Variants in KSR1 observed in about 807,000 individuals in gnomAD.
KSR1 encodes the protein kinase suppressor of ras.
A neutral mutation model predicts 92.9 loss-of-function variants in KSR1; 35 were observed. The observed-to-expected ratio is 0.38, with a 90% CI of 0.29 to 0.50. The LOEUF is 0.50. Among genes scored for constraint, KSR1 ranks in the 20% least tolerant of loss-of-function variants. The pLI is 0.94. For synonymous variants in KSR1, 467 were observed against 472.6 expected (o/e 0.99, Z 0.15); for missense variants, 972 against 1,158.5 (o/e 0.84, Z 2.34).
intron 1 of KSR1, among the ~76,000 whole-genome samples, chr17:27,492,674 C>T (rs2150964447): frequency 6.6e-6 from 1 of 152,290 alleles, no homozygotes; most frequent in Non-Finnish European, 1.5e-5. Context: ...TTAGATAAAG[C>T]CCCGGAATTC....
intron 1 of KSR1, among the ~76,000 whole-genome samples, chr17:27,546,930 G>T (rs1325761638): frequency 6.6e-6 from 1 of 152,158 alleles, no homozygotes. Flanking sequence ...TGTTTGATTA[G>T]CAGGGTCTGC....
Position 27,617,276 on chromosome 17 carries a change from A to T in KSR1, c.2494-19A>T. 1.3e-6 allele frequency: 2 copies of T among 1,599,026 alleles called. No individual in the cohort carries two copies. The highest frequency in any genetic ancestry group is 1.7e-6 in the Non-Finnish European group (2 of 1,169,442). ...CTCCCAGCCAGCTCACACACCACTA[A>T]TGGCAGCTCCATTTGCAGGAGATCC... is the stretch of plus-strand genomic sequence containing the variant. On this transcript the variant is annotated intron_variant, in intron 18 of 20. Coordinates refer to ENST00000644974, the MANE Select transcript of KSR1 (RefSeq NM_001394583.1).
intron 1 of KSR1, among the ~76,000 whole-genome samples, chr17:27,457,722 T>C (rs1473316711): frequency 6.6e-6 from 1 of 152,092 alleles, no homozygotes; most frequent in African/African-American, 2.4e-5. Context: ...CATACACAAA[T>C]GAGGGCAACT....
At chr17:27,516,195 C>T (rs2069786930) in intron 1 of KSR1, among the ~76,000 whole-genome samples, 1 of 152,174 alleles carries the variant, frequency 6.6e-6, no homozygotes, top group South Asian at 2.1e-4. Flanking sequence ...TCTGTTTTCT[C>T]ATCTGTGAAA....
chr17:27,591,750 G>T (rs756367546), intron 7 of KSR1, among the ~76,000 whole-genome samples: 10 of 152,188 alleles, frequency 6.6e-5, no homozygotes, highest in Admixed American at 1.3e-4. Context: ...CATCATGTGG[G>T]GAGCACAGGA....
intron 1 of KSR1, among the ~76,000 whole-genome samples, chr17:27,472,332 G>A (rs377196120): frequency 6.6e-6 from 1 of 152,224 alleles, no homozygotes; most frequent in African/African-American, 2.4e-5. Flanking sequence ...ACATAGCGAG[G>A]TGTGGACCTC....
At chr17:27,547,117 G>A (rs911225316) in intron 1 of KSR1, among the ~76,000 whole-genome samples, 4 of 152,230 alleles carry the variant, frequency 2.6e-5, no homozygotes, top group Non-Finnish European at 4.4e-5. Flanking sequence ...TACCCTGAAG[G>A]GAGCAGGGGC....
chr17:27,496,775 T>C (rs1440093845), intron 1 of KSR1, among the ~76,000 whole-genome samples: 1 of 152,190 alleles, frequency 6.6e-6, no homozygotes, highest in African/African-American at 2.4e-5. Context: ...GGCCTCTTAC[T>C]TCTGTTAGCT....
At chr17:27,564,261 G>A (rs1269882692) in intron 2 of KSR1, among the ~76,000 whole-genome samples, 1 of 152,182 alleles carries the variant, frequency 6.6e-6, no homozygotes, top group Admixed American at 6.5e-5. Context: ...AAAGTGTTGG[G>A]ATTATAGGCG....
intron 2 of KSR1, among the ~76,000 whole-genome samples, chr17:27,556,247 C>T (rs1274544422): frequency 1.3e-5 from 2 of 152,186 alleles, no homozygotes; most frequent in Non-Finnish European, 2.9e-5. Context: ...CAGGGTCTCG[C>T]TCTGTTGCCC....
At chr17:27,538,716 T>C (rs1037633647) in intron 1 of KSR1, among the ~76,000 whole-genome samples, 1 of 152,096 alleles carries the variant, frequency 6.6e-6, no homozygotes, top group Non-Finnish European at 1.5e-5. Context: ...TGGGAGCTGA[T>C]ATTAGGTGGA....
At chr17:27,566,169 G>A (rs1243899221) in intron 2 of KSR1, among the ~76,000 whole-genome samples, 1 of 152,096 alleles carries the variant, frequency 6.6e-6, no homozygotes, top group Non-Finnish European at 1.5e-5. Flanking sequence ...TTGGAGGGAG[G>A]TGGCAAGGCA....
At chr17:27,461,349 G>C (rs1343287317) in intron 1 of KSR1, among the ~76,000 whole-genome samples, 2 of 152,154 alleles carry the variant, frequency 1.3e-5, no homozygotes, top group Non-Finnish European at 1.5e-5. Flanking sequence ...CCAAAGTGCT[G>C]GGATTACAAG....
chr17:27,516,151 G>T (rs887846589), intron 1 of KSR1, among the ~76,000 whole-genome samples: 4 of 152,180 alleles, frequency 2.6e-5, no homozygotes, highest in Non-Finnish European at 4.4e-5. Flanking sequence ...AGAAAAGGTA[G>T]TTGTGTGACG....
chr17:27,456,775 C>G lies in KSR1; in HGVS notation c.132C>G (p.Leu44=), dbSNP rs763834067. ...ASRALQQCGQ[L]QKLIDISIGS... The stretch of plus-strand genomic sequence containing the variant: ...GGGCGCTGCAGCAGTGCGGGCAGCT[C>G]CAGAAGCTCATCGACATCTCCATCG... Residue 44 remains leucine (L), a synonymous_variant, in exon 1 of 21, where the codon CTC becomes CTG. Coordinates refer to ENST00000644974, the MANE Select transcript of KSR1 (RefSeq NM_001394583.1). 5.1e-6 allele frequency: 8 copies of G among 1,570,040 alleles called. No homozygotes were observed. Among genetic ancestry groups the G allele is most frequent in the Non-Finnish European group, 6.9e-6 (8 of 1,155,912 alleles).
At position 27,456,617 on chromosome 17, in the gene KSR1, C is replaced by T. The variant is rs1312338309; in HGVS notation, c.-27C>T. The T allele has an allele frequency of 1.0e-5, 5 of 477,232 alleles. No individual in the cohort carries two copies. Among genetic ancestry groups the T allele is most frequent in the East Asian group, 7.2e-5 (2 of 27,624 alleles). The allele number at this position is 477,232 out of a possible 1,614,324, so 29.6% of individuals were successfully genotyped here. ...CGCCCGCGCCCCGGGCTCCCAGCCTCGGCCGCCGCGGCCCCGATGCCGAGG... is the reference window on the plus strand; with the variant it reads ...CGCCCGCGCCCCGGGCTCCCAGCCTTGGCCGCCGCGGCCCCGATGCCGAGG... On this transcript the variant is annotated 5_prime_UTR_variant, in exon 1 of 21. Coordinates refer to ENST00000644974, the MANE Select transcript of KSR1 (RefSeq NM_001394583.1).
chr17:27,605,953 T>C, intron 14 of KSR1, 140 bp downstream of exon 14: 1 of 1,004,318 alleles, frequency 1.0e-6, no homozygotes, highest in Non-Finnish European at 1.5e-6. Flanking sequence ...GGGGTATAAC[T>C]TCCTAATCAC....
intron 1 of KSR1, among the ~76,000 whole-genome samples, chr17:27,504,935 T>G (rs2069322853): frequency 6.6e-6 from 1 of 152,204 alleles, no homozygotes; most frequent in Admixed American, 6.5e-5. Context: ...TGTTCCTGTC[T>G]ATAAAACGGG....
Position 27,605,736 on chromosome 17 carries a change from C to T in KSR1, c.1917C>T (p.Tyr639=). ...TCTTCAAGAAAGAGGTGATGAACTA[C>T]CGGCAGACGCGGCATGAGAACGTGG... ...LKLFKKEVMN[Y]RQTRHENVVL... Residue 639 remains tyrosine, a synonymous_variant, in exon 14 of 21, where the codon TAC becomes TAT. Coordinates refer to ENST00000644974, the MANE Select transcript of KSR1 (RefSeq NM_001394583.1). The T allele has an allele frequency of 1.2e-6, 2 of 1,612,836 alleles. No individual in the cohort carries two copies. The highest frequency in any genetic ancestry group is 1.1e-5 in the South Asian group (1 of 91,050).
Sources: gnomAD v4.1 joint callset for allele counts (sites outside exome capture counted in the v4.1 genomes callset) on GRCh38, gnomAD v4.1.1 for gene constraint, MANE v1.5 for transcripts, NCBI Gene and HGNC (gene_info 2026-07-23, HGNC 2026-07-21) for gene names.